The following PLOD2 variants were observed in gnomAD, a reference collection of about 807,000 sequenced individuals.
PLOD2 encodes the protein lysine hydroxylase 2.
PLOD2 carries 65 observed loss-of-function variants against 101.0 expected under a neutral mutation model. The ratio of observed to expected loss-of-function variants is 0.64; its 90% CI spans 0.53 to 0.79. The LOEUF is 0.79. PLOD2 is among the 30% of genes least tolerant of loss of function. The pLI, the probability that PLOD2 is intolerant of heterozygous loss-of-function variation, is 0.00. For synonymous variants in PLOD2, 314 were observed against 302.9 expected (o/e 1.04, Z -0.38); for missense variants, 909 against 914.6 (o/e 0.99, Z 0.08).
intron 12 of PLOD2, among the ~76,000 whole-genome samples, chr3:146,080,018 CTG>C (rs1936478787): frequency 3.3e-5 from 5 of 151,978 alleles, no homozygotes; most frequent in Admixed American, 3.3e-4. Context: ...GCCCCTAAGA[CTG>C]TGCGCCTTTC....
At chr3:146,108,687 T>C (rs1331220790) in intron 4 of PLOD2, among the ~76,000 whole-genome samples, 5 of 152,208 alleles carry the variant, frequency 3.3e-5, no homozygotes, top group African/African-American at 7.2e-5. Flanking sequence ...TAAAACACCT[T>C]TTCCTTAATT....
At chr3:146,074,283 A>C (rs956703318) in intron 15 of PLOD2, among the ~76,000 whole-genome samples, 6 of 151,594 alleles carry the variant, frequency 4.0e-5, no homozygotes, top group Non-Finnish European at 5.9e-5. Flanking sequence ...AGAAATTATT[A>C]ATTTTCTCTT....
At chr3:146,114,357 G>A (rs192463511) in intron 3 of PLOD2, among the ~76,000 whole-genome samples, 1 of 152,134 alleles carries the variant, frequency 6.6e-6, no homozygotes, top group East Asian at 1.9e-4. Context: ...AACCAAGTAC[G>A]TCTCAGGTAT....
chr3:146,078,053 T>C (rs1340596819), intron 13 of PLOD2, 129 bp from the exon 14 acceptor site: 1 of 727,234 alleles, frequency 1.4e-6, no homozygotes, highest in Non-Finnish European at 2.5e-6. Flanking sequence ...ATAGACAACA[T>C]GCAGAACAAG....
chr3:146,124,130 T>A lies in PLOD2; in HGVS notation c.201+8A>T. On this transcript the variant is annotated splice_region_variant and intron_variant, in intron 2 of 19. Transcript: ENST00000282903. ...TAGGATCTTCATAGGTTAAAGGATA[T>A]ACCATACCTTCACAGTATAATTGAA... 7.1e-7 allele frequency: 1 copy of A among 1,412,890 alleles called. No homozygotes were observed. The highest frequency in any genetic ancestry group is 1.0e-6 in the Non-Finnish European group (1 of 997,644). 87.5% of individuals were successfully genotyped at this position (1,412,890 alleles called of 1,614,324 possible).
At chr3:146,114,421 C>G (rs1937801831) in intron 3 of PLOD2, among the ~76,000 whole-genome samples, 1 of 152,006 alleles carries the variant, frequency 6.6e-6, no homozygotes, top group Admixed American at 6.6e-5. Flanking sequence ...CCAAATTATC[C>G]TCGAAGAGAT....
chr3:146,070,824 G>A lies in PLOD2; in HGVS notation c.2170C>T (p.Arg724Ter). The A allele has an allele frequency of 2.5e-6, 4 of 1,610,318 alleles. No individual in the cohort carries two copies. Among genetic ancestry groups the A allele is most frequent in the Non-Finnish European group, 2.5e-6 (3 of 1,177,476 alleles). ...LRYNCSIESP[R>*]KGWSFMHPGR... ...GGATGCATGAAGCTCCAGCCTTTTC[G>A]TGGTGACTCAATAGAGCAATTGTAC... is the stretch of plus-strand genomic sequence containing the variant. Residue 724 changes from arginine to a stop codon, truncating the protein, a stop_gained, in exon 20 of 20, where the codon CGA becomes TGA. Coordinates refer to ENST00000282903, the MANE Select transcript of PLOD2 (RefSeq NM_182943.3). LOFTEE classifies it high-confidence loss of function.
At chr3:146,091,184 GCA>G (rs200076655) in intron 8 of PLOD2, among the ~76,000 whole-genome samples, 1,670 of 151,862 alleles carry the variant, frequency 0.011, 24 homozygotes, top group African/African-American at 0.032. Flanking sequence ...AGGTAAAAAT[GCA>G]CAGTGTCAAG....
At chr3:146,134,001 A>G (rs1217504066) in intron 1 of PLOD2, among the ~76,000 whole-genome samples, 1 of 152,214 alleles carries the variant, frequency 6.6e-6, no homozygotes, top group Admixed American at 6.5e-5. Flanking sequence ...TTTAACCAGT[A>G]GGTTCAGGGG....
chr3:146,113,532 ACT>A (rs1937747164), intron 3 of PLOD2, among the ~76,000 whole-genome samples: 1 of 152,218 alleles, frequency 6.6e-6, no homozygotes, highest in Admixed American at 6.5e-5. Flanking sequence ...CCAAATTAAT[ACT>A]TTTATAATTT....
chr3:146,096,882 G>GGGGGGC (rs1553733070), intron 7 of PLOD2, among the ~76,000 whole-genome samples: 1 of 76,268 alleles, frequency 1.3e-5, no homozygotes, highest in Non-Finnish European at 2.8e-5. Flanking sequence ...GAGGGAGGTG[G>GGGGGGC]GGGGGGGGAG....
intron 10 of PLOD2, chr3:146,085,755 T>G (rs1936743719): frequency 6.2e-6 from 1 of 162,488 alleles, no homozygotes; most frequent in South Asian, 1.7e-4. Flanking sequence ...TGACTATGTT[T>G]GCTTTCCCTG....
At chr3:146,114,545 T>C (rs1203567968) in intron 3 of PLOD2, among the ~76,000 whole-genome samples, 1 of 152,086 alleles carries the variant, frequency 6.6e-6, no homozygotes, top group Admixed American at 6.6e-5. Flanking sequence ...GAAAAATCAG[T>C]AGAAGAACAC....
intron 1 of PLOD2, among the ~76,000 whole-genome samples, chr3:146,146,388 T>C (rs760139192): frequency 2.0e-5 from 3 of 152,160 alleles, no homozygotes; most frequent in Non-Finnish European, 4.4e-5. Context: ...GAAAAACAGA[T>C]GGTCCTATCC....
chr3:146,083,583 T>TCTTTC (rs1559838217), intron 11 of PLOD2, among the ~76,000 whole-genome samples: 2 of 122,158 alleles, frequency 1.6e-5, no homozygotes, highest in East Asian at 2.1e-4. Flanking sequence ...TTTTCTTTTT[T>TCTTTC]TTTTTTTTTT....
At chr3:146,125,169 C>G (rs983870014) in intron 1 of PLOD2, among the ~76,000 whole-genome samples, 3 of 152,024 alleles carry the variant, frequency 2.0e-5, no homozygotes, top group African/African-American at 4.8e-5. Context: ...TGAGTAACAT[C>G]ATTTGTTTCT....
At position 146,076,905 on chromosome 3, in the gene PLOD2, A is replaced by G. The variant is rs1464059794; in HGVS notation, c.1564-10T>C. 1 of 1,482,242 alleles carries G rather than the reference A, an allele frequency of 6.7e-7. No individual in the cohort carries two copies. The highest frequency in any genetic ancestry group is 9.4e-7 in the Non-Finnish European group (1 of 1,062,320). 91.8% of individuals were successfully genotyped at this position (1,482,242 alleles called of 1,614,324 possible). A position where few individuals can be genotyped will look rare whatever the true frequency, so the allele number is the denominator to read the frequency against. On this transcript the variant is annotated splice_polypyrimidine_tract_variant and intron_variant, in intron 14 of 19. Coordinates refer to ENST00000282903, the MANE Select transcript of PLOD2 (RefSeq NM_182943.3). ...TGTACATAAATACACCCTATATGCC[A>G]GAAAATAACAGTATTAATCTTAGAG...
At chr3:146,153,142 C>T (rs767990197) in intron 1 of PLOD2, among the ~76,000 whole-genome samples, 1 of 152,040 alleles carries the variant, frequency 6.6e-6, no homozygotes, top group Non-Finnish European at 1.5e-5. Flanking sequence ...TGGACAAGAC[C>T]GGAAAATCCC....
At chr3:146,158,327 TTATTTAGTCTTTCCATGCTAAGA>T (rs1003571784) in intron 1 of PLOD2, among the ~76,000 whole-genome samples, 3 of 152,176 alleles carry the variant, frequency 2.0e-5, no homozygotes, top group Non-Finnish European at 2.9e-5. Context: ...AGCCAAAATC[TTATTTAGTCTTTCCATGCTAAGA>T]ATAAAGTGGC....
Sources: allele counts gnomAD v4.1 joint callset (sites outside exome capture counted in the v4.1 genomes callset), GRCh38; gene constraint gnomAD v4.1.1; transcripts MANE v1.5; gene names NCBI Gene and HGNC (gene_info 2026-07-23, HGNC 2026-07-21).